PPP3CA: variants seen among roughly 807,000 people sequenced by gnomAD.
PPP3CA encodes protein phosphatase 3 catalytic subunit alpha.
PPP3CA carries 14 observed loss-of-function variants against 66.5 expected under a neutral mutation model. That is an observed-to-expected ratio of 0.21 (90% CI 0.14 to 0.33). The LOEUF is 0.33. Ranked by LOEUF, PPP3CA falls within the 10% of genes least tolerant of loss-of-function variation. PPP3CA has a pLI of 1.00. For missense variants in PPP3CA, 317 were observed against 639.5 expected (o/e 0.50, Z 5.44); for synonymous variants, 232 against 226.2 (o/e 1.03, Z -0.23).
intron 2 of PPP3CA, among the ~76,000 whole-genome samples, chr4:101,127,754 CAAT>C (rs1178527862): frequency 3.0e-4 from 46 of 152,276 alleles, no homozygotes; most frequent in African/African-American, 9.9e-4. Context: ...TGCACAACAA[CAAT>C]AACAACAACA....
At chr4:101,270,265 C>A (rs4413408) in intron 1 of PPP3CA, among the ~76,000 whole-genome samples, 1 of 151,832 alleles carries the variant, frequency 6.6e-6, no homozygotes, top group African/African-American at 2.4e-5. Context: ...TGTGTGCATA[C>A]CACCTTCACA....
rs542415785 is a variant in PPP3CA at position 101,069,677 on chromosome 4, C to T, written c.956-6320G>A. On this transcript the variant is annotated intron_variant, in intron 8 of 13. Coordinates refer to ENST00000394854, the MANE Select transcript of PPP3CA (RefSeq NM_000944.5). ...TGCAGATTTTCTTCTGCTTTTGCCA[C>T]CCTTGAGACAGCAAGACCAACCCCT... Among the ~76,000 whole-genome samples the T allele has an allele frequency of 3.9e-5, 6 of 152,298 alleles. No homozygotes were observed. In the South Asian group the frequency reaches 1.2e-3, roughly 32 times the overall value.
chr4:101,292,081 AACACACACACACACAC>A (rs3974776), intron 1 of PPP3CA, among the ~76,000 whole-genome samples: 2,962 of 130,720 alleles, frequency 0.023, 129 homozygotes, highest in African/African-American at 0.08. Context: ...TGAGCCCATG[AACACACACACACACAC>A]ACACACACAC....
chr4:101,234,738 G>C (rs753884950), intron 1 of PPP3CA, among the ~76,000 whole-genome samples: 1 of 151,646 alleles, frequency 6.6e-6, no homozygotes, highest in Non-Finnish European at 1.5e-5. Context: ...AAGGCAGTTC[G>C]CAGTTAATGC....
chr4:101,249,016 C>A (rs1189983319), intron 1 of PPP3CA, among the ~76,000 whole-genome samples: 1 of 151,468 alleles, frequency 6.6e-6, no homozygotes, highest in South Asian at 2.1e-4. Flanking sequence ...AAAAATTAGC[C>A]GGGCGCGGTG....
chr4:101,222,721 T>G (rs1159125548), intron 1 of PPP3CA, among the ~76,000 whole-genome samples: 1 of 151,692 alleles, frequency 6.6e-6, no homozygotes, highest in Non-Finnish European at 1.5e-5. Flanking sequence ...CGTACAAGGA[T>G]AGTATGAGGA....
intron 1 of PPP3CA, among the ~76,000 whole-genome samples, chr4:101,343,481 C>T (rs1729882407): frequency 1.3e-5 from 2 of 152,048 alleles, no homozygotes; most frequent in Non-Finnish European, 2.9e-5. Flanking sequence ...CTATTTATTG[C>T]CCTCGGTTTG....
intron 2 of PPP3CA, among the ~76,000 whole-genome samples, chr4:101,146,269 C>T (rs1053076629): frequency 6.6e-6 from 1 of 152,142 alleles, no homozygotes; most frequent in Admixed American, 6.5e-5. Flanking sequence ...CCACCATTTA[C>T]CAAGTATTTC....
intron 1 of PPP3CA, among the ~76,000 whole-genome samples, chr4:101,285,671 A>G (rs1440616769): frequency 1.4e-5 from 2 of 139,190 alleles, no homozygotes; most frequent in African/African-American, 5.4e-5. Flanking sequence ...ATACATATCG[A>G]TGTTGGCTAC....
chr4:101,058,031 C>T (rs1160936897), intron 10 of PPP3CA, among the ~76,000 whole-genome samples: 1 of 151,844 alleles, frequency 6.6e-6, no homozygotes, highest in Non-Finnish European at 1.5e-5. Context: ...GGAAATACAC[C>T]AACAAATTTT....
intron 1 of PPP3CA, among the ~76,000 whole-genome samples, chr4:101,276,593 A>G (rs891053716): frequency 9.2e-5 from 14 of 152,148 alleles, no homozygotes; most frequent in African/African-American, 3.4e-4. Context: ...CACATACATT[A>G]TCACGCAGTT....
chr4:101,073,923 G>C (rs16996706), intron 8 of PPP3CA, among the ~76,000 whole-genome samples: 6,870 of 152,158 alleles, frequency 0.045, 540 homozygotes, highest in African/African-American at 0.16. Context: ...AAGTGATCTG[G>C]GGCAAACAAG....
At chr4:101,106,101 T>C (rs1001020316) in intron 3 of PPP3CA, among the ~76,000 whole-genome samples, 41 of 151,912 alleles carry the variant, frequency 2.7e-4, no homozygotes, top group Admixed American at 1.8e-3. Context: ...GGTGGGAGAA[T>C]TGCTGGAGCT....
intron 2 of PPP3CA, among the ~76,000 whole-genome samples, chr4:101,165,306 A>C (rs918683825): frequency 1.3e-5 from 2 of 152,234 alleles, no homozygotes; most frequent in African/African-American, 4.8e-5. Flanking sequence ...CCATAAAGGC[A>C]GTCTTTTTCC....
intron 8 of PPP3CA, 111 bp downstream of exon 8, chr4:101,080,421 A>T (rs1729383091): frequency 2.2e-5 from 11 of 494,474 alleles, no homozygotes; most frequent in Non-Finnish European, 9.7e-6. Context: ...AACTGAAAAA[A>T]TTTTAAAAAA....
At chr4:101,171,816 A>G (rs1723891667) in intron 2 of PPP3CA, among the ~76,000 whole-genome samples, 1 of 152,178 alleles carries the variant, frequency 6.6e-6, no homozygotes, top group African/African-American at 2.4e-5. Flanking sequence ...AATATATGCA[A>G]TTGTGTAATC....
chr4:101,280,049 T>C (rs759377725), intron 1 of PPP3CA, among the ~76,000 whole-genome samples: 9 of 152,182 alleles, frequency 5.9e-5, no homozygotes, highest in Non-Finnish European at 1.0e-4. Context: ...TGTATATTAA[T>C]TGAGCACTTA....
At chr4:101,129,390 G>A (rs1722355132) in intron 2 of PPP3CA, among the ~76,000 whole-genome samples, 1 of 152,196 alleles carries the variant, frequency 6.6e-6, no homozygotes, top group African/African-American at 2.4e-5. Flanking sequence ...CAGTGCTTGA[G>A]TTCTGCTAAG....
At chr4:101,112,752 A>G (rs1179994254) in intron 2 of PPP3CA, among the ~76,000 whole-genome samples, 1 of 152,074 alleles carries the variant, frequency 6.6e-6, no homozygotes, top group Non-Finnish European at 1.5e-5. Context: ...CTCCACTATC[A>G]TCCTTCACAG....
Sources: gnomAD v4.1 joint callset for allele counts (sites outside exome capture counted in the v4.1 genomes callset) on GRCh38, gnomAD v4.1.1 for gene constraint, MANE v1.5 for transcripts, NCBI Gene and HGNC (gene_info 2026-07-23, HGNC 2026-07-21) for gene names.